CSMD1: variants seen among roughly 807,000 people sequenced by gnomAD.
CSMD1 encodes the protein CUB and Sushi multiple domains 1.
A neutral mutation model predicts 417.5 loss-of-function variants in CSMD1; 213 were observed. The ratio of observed to expected loss-of-function variants is 0.51; its 90% CI spans 0.46 to 0.57. The LOEUF (loss-of-function observed/expected upper bound fraction) is 0.57, where lower values mean the gene tolerates loss of function less well. Among genes scored for constraint, CSMD1 ranks in the 20% least tolerant of loss-of-function variants. The pLI, the probability that CSMD1 is intolerant of heterozygous loss-of-function variation, is 0.00. For synonymous variants in CSMD1, 2,862 were observed against 1,736.8 expected (o/e 1.65, Z -16.11); for missense variants, 6,923 against 4,529.7 (o/e 1.53, Z -15.17).
chr8:3,722,218 A>G (rs1271499334), intron 6 of CSMD1, among the ~76,000 whole-genome samples: 1 of 152,124 alleles, frequency 6.6e-6, no homozygotes, highest in Admixed American at 6.6e-5. Flanking sequence ...CTGAGGCAGG[A>G]GAATTGCTTG....
chr8:4,559,443 A>C (rs974442631), intron 2 of CSMD1, among the ~76,000 whole-genome samples: 6 of 152,334 alleles, frequency 3.9e-5, no homozygotes, highest in African/African-American at 1.4e-4. Context: ...TGAATAAAGA[A>C]GGGGTTAAAA....
chr8:3,845,057 T>A (rs78162661), intron 5 of CSMD1, among the ~76,000 whole-genome samples: 6,002 of 152,302 alleles, frequency 0.039, 177 homozygotes, highest in Non-Finnish European at 0.062. Context: ...CTCCTGTGAT[T>A]AGACTTTCAT....
At chr8:3,925,809 G>A (rs906593083) in intron 5 of CSMD1, among the ~76,000 whole-genome samples, 1 of 151,992 alleles carries the variant, frequency 6.6e-6, no homozygotes, top group African/African-American at 2.4e-5. Context: ...GTCTTTATCA[G>A]CAGCATTAAA....
chr8:3,000,088 A>C lies in CSMD1; in HGVS notation c.8073T>G (p.Ile2691Met), dbSNP rs763567419. 1.3e-6 allele frequency: 2 copies of C among 1,586,150 alleles called. No homozygotes were observed. The highest frequency in any genetic ancestry group is 1.7e-6 in the Non-Finnish European group (2 of 1,167,132). Reference sequence around the variant, plus strand: ...CTCTGTAACTGAAGCCATCTCCACTAATGTGACCGTTCACAATCGGGTCTG... The same window carrying C: ...CTCTGTAACTGAAGCCATCTCCACTCATGTGACCGTTCACAATCGGGTCTG... The part of the protein sequence containing the change: ...GSPDPIVNGH[I>M]SGDGFSYRDT... Residue 2691 changes from isoleucine to methionine, a missense_variant, in exon 53 of 70, where the codon ATT becomes ATG. Transcript: ENST00000635120.
chr8:4,460,283 T>A (rs1177615410), intron 2 of CSMD1, among the ~76,000 whole-genome samples: 2 of 151,946 alleles, frequency 1.3e-5, no homozygotes, highest in South Asian at 4.1e-4. Context: ...AAAAATAATA[T>A]GAACGAAAAT....
chr8:4,763,627 A>T (rs1812263249), intron 1 of CSMD1, among the ~76,000 whole-genome samples: 1 of 152,164 alleles, frequency 6.6e-6, no homozygotes, highest in Non-Finnish European at 1.5e-5. Flanking sequence ...CATTTTACCA[A>T]TTATACTTAA....
intron 3 of CSMD1, among the ~76,000 whole-genome samples, chr8:4,269,985 G>C (rs1433566116): frequency 1.3e-5 from 2 of 152,168 alleles, no homozygotes; most frequent in Admixed American, 6.5e-5. Flanking sequence ...ATGTTGACCT[G>C]AGCTTGGGGC....
At chr8:4,050,522 G>A (rs1046013005) in intron 3 of CSMD1, among the ~76,000 whole-genome samples, 2 of 152,078 alleles carry the variant, frequency 1.3e-5, no homozygotes, top group South Asian at 4.2e-4. Flanking sequence ...TCATCCTGGA[G>A]GGGTAAATCT....
chr8:4,971,206 T>C (rs182125815), intron 1 of CSMD1, among the ~76,000 whole-genome samples: 1 of 152,090 alleles, frequency 6.6e-6, no homozygotes, highest in African/African-American at 2.4e-5. Flanking sequence ...GACATAATGA[T>C]ATTAATGATA....
chr8:4,323,361 A>G (rs760450731), intron 3 of CSMD1, among the ~76,000 whole-genome samples: 8 of 152,154 alleles, frequency 5.3e-5, no homozygotes, highest in Non-Finnish European at 8.8e-5. Flanking sequence ...ATATAAACTT[A>G]TGTTCTTTCC....
chr8:3,366,877 G>A (rs2117755915), intron 20 of CSMD1, among the ~76,000 whole-genome samples, 155 bp downstream of exon 20: 1 of 152,094 alleles, frequency 6.6e-6, no homozygotes, highest in Admixed American at 6.5e-5. Flanking sequence ...TGGAGGCTCA[G>A]CCTCCTGCAC....
chr8:4,106,948 T>G (rs1247953013), intron 3 of CSMD1, among the ~76,000 whole-genome samples: 2 of 152,180 alleles, frequency 1.3e-5, no homozygotes, highest in African/African-American at 4.8e-5. Flanking sequence ...GGTTCTCAGT[T>G]TCACAGGGAG....
At chr8:3,506,415 G>C (rs1481671521) in intron 10 of CSMD1, among the ~76,000 whole-genome samples, 1 of 152,216 alleles carries the variant, frequency 6.6e-6, no homozygotes, top group South Asian at 2.1e-4. Flanking sequence ...GTGTAGAGAG[G>C]AGAAGGTGCC....
rs1431975074 is a variant in CSMD1, at chr8:3,422,952, A to T, written c.1562-13347T>A. On this transcript the variant is annotated intron_variant, in intron 12 of 69. Coordinates refer to ENST00000635120, the MANE Select transcript of CSMD1 (RefSeq NM_033225.6). ...CAAAAGGGGTAGATTCTCTTTGTTA[A>T]GCTCTTTATTAAGGGTCACAGCTCT... Among the ~76,000 whole-genome samples the T allele has an allele frequency of 1.3e-5, 2 of 152,196 alleles. 1 individual carries two copies. The highest frequency in any genetic ancestry group is 2.9e-5 in the Non-Finnish European group (2 of 68,034).
At position 4,137,478 on chromosome 8, in the gene CSMD1, C is replaced by G. The variant is rs1325948230; in HGVS notation, c.416-105379G>C. Reference sequence around the variant, plus strand: ...AGAGTATTTTAAAAGGTAATTTTCACTACAGAATATAACATTGTTTTTCCT... The same window carrying G: ...AGAGTATTTTAAAAGGTAATTTTCAGTACAGAATATAACATTGTTTTTCCT... On this transcript the variant is annotated intron_variant, in intron 3 of 69. Transcript: ENST00000635120. Among the ~76,000 whole-genome samples, 6 of 127,062 alleles carry G rather than the reference C, an allele frequency of 4.7e-5. 3 individuals carry two copies. Among genetic ancestry groups the G allele is most frequent in the Non-Finnish European group, 1.1e-4 (6 of 54,038 alleles). 83.4% of individuals were successfully genotyped at this position (127,062 alleles called of 152,430 possible).
At chr8:2,956,666 C>T (rs1291997272) in intron 63 of CSMD1, among the ~76,000 whole-genome samples, 1 of 151,946 alleles carries the variant, frequency 6.6e-6, no homozygotes, top group Non-Finnish European at 1.5e-5. Flanking sequence ...CCATGTTAGC[C>T]AGGATGGTCT....
intron 1 of CSMD1, among the ~76,000 whole-genome samples, chr8:4,793,288 T>C (rs977950230): frequency 6.6e-6 from 1 of 152,170 alleles, no homozygotes; most frequent in Admixed American, 6.6e-5. Flanking sequence ...GCTGGAAAAA[T>C]AGAACCTATT....
At chr8:3,794,370 G>T (rs867842248) in intron 5 of CSMD1, among the ~76,000 whole-genome samples, 1 of 152,106 alleles carries the variant, frequency 6.6e-6, no homozygotes, top group Non-Finnish European at 1.5e-5. Flanking sequence ...AACACTTATA[G>T]ATCATGAAGT....
At chr8:3,256,142 A>G (rs1256594607) in intron 26 of CSMD1, among the ~76,000 whole-genome samples, 7 of 152,106 alleles carry the variant, frequency 4.6e-5, no homozygotes, top group Admixed American at 3.9e-4. Context: ...AGCCTGGCCA[A>G]CATGGTGAAA....
Sources: allele counts gnomAD v4.1 joint callset (sites outside exome capture counted in the v4.1 genomes callset), GRCh38; gene constraint gnomAD v4.1.1; transcripts MANE v1.5; gene names NCBI Gene and HGNC (gene_info 2026-07-23, HGNC 2026-07-21).